The following DOCK9 variants were observed in gnomAD, a reference collection of about 807,000 sequenced individuals.
DOCK9 encodes dedicator of cytokinesis 9, also known as dedicator of cytokinesis protein 9.
Under a neutral mutation model 263.3 loss-of-function variants are expected in DOCK9, and 89 were observed. That is an observed-to-expected ratio of 0.34 (90% confidence interval 0.28 to 0.40). The LOEUF (loss-of-function observed/expected upper bound fraction) is 0.40. Ranked by LOEUF, DOCK9 falls within the 10% of genes least tolerant of loss-of-function variation. The probability of loss-of-function intolerance (pLI) is 1.00; values close to 1 mark genes in which losing one functional copy is unlikely to be tolerated. For missense variants in DOCK9, 2,140 were observed against 2,603.4 expected (o/e 0.82, Z 3.87); for synonymous variants, 976 against 973.1 (o/e 1.00, Z -0.06).
Position 98,829,144 on chromosome 13 carries a change from G to C in DOCK9, c.4965+163C>G, listed in dbSNP as rs569357952. ...TTGTTTTAAATTATTAAAATGCTCA[G>C]CTAACTATGAAGTCACCCTAAGCTT... is the stretch of plus-strand genomic sequence containing the variant. On this transcript the variant is annotated intron_variant, in intron 43 of 52. Transcript: ENST00000682017. This position sits in a 1 kb window ranked among gnomAD's most constrained non-coding sequence, Gnocchi z 4.1. Among the ~76,000 whole-genome samples, 36 of 152,264 alleles carry C rather than the reference G, an allele frequency of 2.4e-4. No individual in the cohort carries two copies. The highest frequency in any genetic ancestry group is 7.9e-4 in the African/African-American group (33 of 41,554).
At chr13:98,797,325 T>C (rs1289314) in intron 51 of DOCK9, 64 bp downstream of exon 51, 1,359,602 of 1,608,074 alleles carry the variant, frequency 0.85, 578,011 homozygotes, top group Non-Finnish European at 0.87. Context: ...CAGCATCTCC[T>C]TCCCGAATGA....
chr13:99,012,360 C>T (rs1884646101), intron 1 of DOCK9, among the ~76,000 whole-genome samples: 1 of 152,162 alleles, frequency 6.6e-6, no homozygotes, highest in Non-Finnish European at 1.5e-5. Context: ...TTTGGGACAT[C>T]TAGGGTCTTC....
chr13:99,063,217 A>G (rs1026083526), intron 1 of DOCK9, among the ~76,000 whole-genome samples: 1 of 152,242 alleles, frequency 6.6e-6, no homozygotes, highest in Non-Finnish European at 1.5e-5. Context: ...GGACAAACGA[A>G]CGATGAAAAG....
intron 1 of DOCK9, among the ~76,000 whole-genome samples, chr13:99,077,122 T>G (rs1484724130): frequency 6.6e-6 from 1 of 152,148 alleles, no homozygotes; most frequent in African/African-American, 2.4e-5. Context: ...GGGAAATAGT[T>G]TGTATCCCAA....
At position 98,902,188 on chromosome 13, in the gene DOCK9, C is replaced by T; in HGVS notation, c.1380+100G>A. The T allele has an allele frequency of 4.7e-6, 6 of 1,265,448 alleles. No homozygotes were observed. The South Asian group carries it at 8.9e-5, about 19-fold the overall frequency. 78.4% of individuals were successfully genotyped at this position (1,265,448 alleles called of 1,614,324 possible). A position where few individuals can be genotyped will look rare whatever the true frequency, so the allele number is the denominator to read the frequency against. The stretch of plus-strand genomic sequence containing the variant: ...CTATTAATTAAGAGTCTAATGACCC[C>T]ACTTGTGCATTACAAGGTCTAATTT... On this transcript the variant is annotated intron_variant, in intron 12 of 52. Coordinates refer to ENST00000682017, the MANE Select transcript of DOCK9 (RefSeq NM_001366683.2).
chr13:98,885,904 T>C (rs1002993073), intron 19 of DOCK9, 73 bp from the exon 20 acceptor site: 20 of 1,457,682 alleles, frequency 1.4e-5, no homozygotes, highest in South Asian at 8.3e-5. Flanking sequence ...AGAGACAGTA[T>C]GTGTTACCCA....
chr13:98,874,619 T>C (rs2094281120), intron 27 of DOCK9, among the ~76,000 whole-genome samples: 1 of 152,212 alleles, frequency 6.6e-6, no homozygotes, highest in South Asian at 2.1e-4. Flanking sequence ...CAATGCCAGA[T>C]CTTCATCAGC....
intron 50 of DOCK9, 90 bp from the exon 51 acceptor site, chr13:98,797,579 C>T (rs371425846): frequency 2.0e-5 from 23 of 1,132,724 alleles, no homozygotes; most frequent in South Asian, 1.8e-4. Flanking sequence ...CTAAAAAGCC[C>T]GTTCGCGTGA....
At chr13:98,894,943 T>G (rs1320602899) in intron 15 of DOCK9, among the ~76,000 whole-genome samples, 1 of 112,824 alleles carries the variant, frequency 8.9e-6, no homozygotes, top group Non-Finnish European at 1.7e-5. Flanking sequence ...ATATTTAGTA[T>G]CTCTACTAAA....
intron 26 of DOCK9, 151 bp downstream of exon 26, chr13:98,880,396 A>C: frequency 1.0e-6 from 1 of 961,566 alleles, no homozygotes; most frequent in Non-Finnish European, 1.5e-6. Flanking sequence ...CTCAAGACAC[A>C]ATTAGAAAAG....
intron 41 of DOCK9, among the ~76,000 whole-genome samples, chr13:98,830,060 T>C (rs2092699466): frequency 6.6e-6 from 1 of 152,224 alleles, no homozygotes; most frequent in African/African-American, 2.4e-5. Context: ...ACTTACCTAT[T>C]ACCTTCTCTA....
rs753277189 is a variant in DOCK9 at position 98,888,652 on chromosome 13, T to C, written c.1769A>G (p.Asn590Ser). 2.5e-6 allele frequency: 4 copies of C among 1,613,884 alleles called. No homozygotes were observed. Among genetic ancestry groups the C allele is most frequent in the African/African-American group, 1.3e-5 (1 of 75,054 alleles). Residue 590 changes from asparagine to serine, a missense_variant, in exon 16 of 53, where the codon AAT (asparagine) becomes AGT (serine). Transcript: ENST00000682017. ...CTTACTAGGGAAGTCTGAGGAAACA[T>C]TATCAATTGTAATGTCTAGATTGCC... is the stretch of plus-strand genomic sequence containing the variant. ...ILGNLDITID[N>S]VSSDFPNYVN...
intron 4 of DOCK9, among the ~76,000 whole-genome samples, chr13:98,924,541 T>C (rs1205479755): frequency 1.3e-5 from 2 of 152,220 alleles, no homozygotes; most frequent in African/African-American, 2.4e-5. Flanking sequence ...AAAACTCAGA[T>C]TGAAATTTGG....
chr13:98,846,924 TTTCCACAGTG>T, intron 37 of DOCK9: 2 of 271,540 alleles, frequency 7.4e-6, no homozygotes, highest in South Asian at 7.9e-5. Context: ...AGAGCATATC[TTTCCACAGTG>T]CATGGAGCAA....
intron 1 of DOCK9, chr13:98,959,371 C>G (rs951676213): frequency 6.6e-6 from 1 of 152,164 alleles, no homozygotes; most frequent in African/African-American, 2.4e-5. Flanking sequence ...GAATCAAGGA[C>G]TATAAAAATT....
intron 1 of DOCK9, among the ~76,000 whole-genome samples, chr13:98,974,166 G>C (rs1052009166): frequency 6.6e-6 from 1 of 152,102 alleles, no homozygotes; most frequent in Non-Finnish European, 1.5e-5. Context: ...GTTTTGAAGG[G>C]GGGTGGCGGG....
intron 1 of DOCK9, chr13:98,959,650 G>A (rs762193013): frequency 6.6e-6 from 1 of 152,438 alleles, no homozygotes; most frequent in African/African-American, 2.4e-5. Context: ...GAGGAGAATG[G>A]GTGGAGAACA....
At chr13:98,802,000 C>T (rs1189538302) in intron 49 of DOCK9, among the ~76,000 whole-genome samples, 2 of 152,224 alleles carry the variant, frequency 1.3e-5, no homozygotes, top group East Asian at 1.9e-4. Context: ...TGGGGATCCA[C>T]AAAGCTCCCT....
chr13:98,909,525 T>C (rs1372359892), intron 9 of DOCK9, among the ~76,000 whole-genome samples: 1 of 152,214 alleles, frequency 6.6e-6, no homozygotes, highest in Non-Finnish European at 1.5e-5. Flanking sequence ...AGGAGGACTT[T>C]GCAAAATGTT....
Sources: allele counts gnomAD v4.1 joint callset (sites outside exome capture counted in the v4.1 genomes callset), GRCh38; gene constraint gnomAD v4.1.1; non-coding constraint Gnocchi (gnomAD v3.1); transcripts MANE v1.5; gene names NCBI Gene and HGNC (gene_info 2026-07-23, HGNC 2026-07-21).